The following ARMC1 variants were observed in gnomAD, a reference collection of about 807,000 sequenced individuals.
ARMC1 encodes armadillo repeat containing 1.
A neutral mutation model predicts 31.4 loss-of-function variants in ARMC1; 16 were observed. The observed-to-expected ratio is 0.51, with a 90% CI of 0.34 to 0.77. The LOEUF is 0.77. Ranked by LOEUF, ARMC1 falls within the 30% of genes least tolerant of loss-of-function variation. The probability of loss-of-function intolerance (pLI) is 0.01; values close to 1 mark genes in which losing one functional copy is unlikely to be tolerated. For synonymous variants in ARMC1, 114 were observed against 118.9 expected, an observed-to-expected ratio of 0.96 and a Z score of 0.27; for missense variants, 259 against 347.5, an observed-to-expected ratio of 0.75 and a Z score of 2.02.
intron 3 of ARMC1, among the ~76,000 whole-genome samples, chr8:65,615,647 C>T (rs1250649437): frequency 6.6e-6 from 1 of 152,084 alleles, no homozygotes; most frequent in Non-Finnish European, 1.5e-5. Context: ...ATGGAGGTTG[C>T]AGCGAGCCAA....
In ARMC1 at chr8:65,604,239, A is replaced by C; in HGVS notation, c.*155T>G. ...TGTCCTTTTTACCACTCAGTGGGGTAAAATGTCCAATAAAACGTGAAATGC... is the reference window on the plus strand; with the variant it reads ...TGTCCTTTTTACCACTCAGTGGGGTCAAATGTCCAATAAAACGTGAAATGC... On this transcript the variant is annotated 3_prime_UTR_variant, in exon 7 of 7. Transcript: ENST00000276569. 1.5e-6 allele frequency: 1 copy of C among 651,266 alleles called. No individual in the cohort carries two copies. The highest frequency in any genetic ancestry group is 2.6e-6 in the Non-Finnish European group (1 of 391,974). 40.3% of individuals were successfully genotyped at this position (651,266 alleles called of 1,614,324 possible). A position where few individuals can be genotyped will look rare whatever the true frequency, so the allele number is the denominator to read the frequency against.
At chr8:65,623,609 A>G (rs956244161) in intron 2 of ARMC1, among the ~76,000 whole-genome samples, 3 of 152,024 alleles carry the variant, frequency 2.0e-5, no homozygotes, top group African/African-American at 7.2e-5. Flanking sequence ...CTGCATCTCA[A>G]AAACAAAACA....
intron 6 of ARMC1, among the ~76,000 whole-genome samples, chr8:65,604,976 ACACCTTTAT>A (rs1182594597): frequency 6.6e-6 from 1 of 152,232 alleles, no homozygotes; most frequent in African/African-American, 2.4e-5. Flanking sequence ...CCCAGTGGTT[ACACCTTTAT>A]TTTTTGGATT....
chr8:65,620,474 A>C (rs1808370562), intron 3 of ARMC1, among the ~76,000 whole-genome samples: 1 of 151,076 alleles, frequency 6.6e-6, no homozygotes, highest in African/African-American at 2.4e-5. Context: ...GCTAATTTTT[A>C]TATTTTTGGT....
intron 3 of ARMC1, 32 bp from the exon 4 acceptor site, chr8:65,613,465 G>T (rs1808187234): frequency 2.8e-6 from 4 of 1,435,938 alleles, no homozygotes; most frequent in African/African-American, 1.4e-5. Flanking sequence ...AATTAGTCTT[G>T]TCACTTCTAC....
In ARMC1 at chr8:65,605,498, T is replaced by TTAATTTTTAAC; in HGVS notation, c.495_505dup (p.Lys169SerfsTer2). Reference sequence around the variant, plus strand: ...TTGAAAAGTAAAGCTAATAACACCTTTAATTTTTAACAAAGCCTCTTCACA... The same window carrying TTAATTTTTAAC: ...TTGAAAAGTAAAGCTAATAACACCTTTAATTTTTAACTAATTTTTAACAAAGCCTCTTCACA... On this transcript the variant is annotated stop_gained and frameshift_variant, in exon 5 of 7. Coordinates refer to ENST00000276569, the MANE Select transcript of ARMC1 (RefSeq NM_018120.6). LOFTEE classifies it high-confidence loss of function. 6.2e-7 allele frequency: 1 copy of TTAATTTTTAAC among 1,614,042 alleles called. No individual in the cohort carries two copies. Among genetic ancestry groups the TTAATTTTTAAC allele is most frequent in the Non-Finnish European group, 8.5e-7 (1 of 1,179,932 alleles).
At chr8:65,611,889 T>C (rs540592690) in intron 4 of ARMC1, among the ~76,000 whole-genome samples, 1 of 151,924 alleles carries the variant, frequency 6.6e-6, no homozygotes, top group Non-Finnish European at 1.5e-5. Context: ...TTCTCCTGCC[T>C]CAGCCTCCCG....
intron 1 of ARMC1, chr8:65,633,033 G>T (rs1428861611): frequency 6.6e-6 from 1 of 152,230 alleles, no homozygotes; most frequent in African/African-American, 2.4e-5. Context: ...GTAGGTGGGA[G>T]AGTCTGAGAT....
chr8:65,624,165 A>C (rs1254386234), intron 2 of ARMC1, among the ~76,000 whole-genome samples: 1 of 152,140 alleles, frequency 6.6e-6, no homozygotes, highest in Non-Finnish European at 1.5e-5. Context: ...ATATTGGGGA[A>C]TAAAGAACAC....
At chr8:65,611,776 T>C (rs982552836) in intron 4 of ARMC1, among the ~76,000 whole-genome samples, 2 of 152,104 alleles carry the variant, frequency 1.3e-5, no homozygotes, top group African/African-American at 4.8e-5. Flanking sequence ...TTCACTTTTT[T>C]TTTCTTTTTT....
intron 2 of ARMC1, 48 bp downstream of exon 2, chr8:65,627,168 T>G (rs1160095293): frequency 6.7e-7 from 1 of 1,500,522 alleles, no homozygotes; most frequent in Non-Finnish European, 8.9e-7. Flanking sequence ...AATTCTCACC[T>G]TAACTGCAAA....
chr8:65,612,944 T>C (rs1455366200), intron 4 of ARMC1, among the ~76,000 whole-genome samples: 1 of 152,192 alleles, frequency 6.6e-6, no homozygotes, highest in Non-Finnish European at 1.5e-5. Context: ...TTCTATATCC[T>C]TACTGATTTT....
chr8:65,611,770 CT>C (rs1029931903), intron 4 of ARMC1, among the ~76,000 whole-genome samples: 10 of 150,882 alleles, frequency 6.6e-5, no homozygotes, highest in African/African-American at 2.2e-4. Flanking sequence ...TACACTTTCA[CT>C]TTTTTTTTCT....
At chr8:65,617,730 G>A (rs771079077) in intron 3 of ARMC1, among the ~76,000 whole-genome samples, 1 of 151,850 alleles carries the variant, frequency 6.6e-6, no homozygotes, top group East Asian at 1.9e-4. Context: ...TGGGTACTAC[G>A]CTCACTCTCC....
At chr8:65,631,592 G>A (rs1318266970) in intron 1 of ARMC1, among the ~76,000 whole-genome samples, 6 of 152,170 alleles carry the variant, frequency 3.9e-5, no homozygotes, top group Admixed American at 3.3e-4. Context: ...TCACAAAGCA[G>A]ATTTTATGAG....
chr8:65,615,118 G>T (rs554159999), intron 3 of ARMC1, among the ~76,000 whole-genome samples: 1 of 151,946 alleles, frequency 6.6e-6, no homozygotes, highest in African/African-American at 2.4e-5. Context: ...TAATTCCAGG[G>T]GTGATAATCT....
chr8:65,619,857 G>A (rs1808355929), intron 3 of ARMC1, among the ~76,000 whole-genome samples: 1 of 151,830 alleles, frequency 6.6e-6, no homozygotes, highest in East Asian at 1.9e-4. Flanking sequence ...GGTGGTGCGT[G>A]CCTGTAATCC....
chr8:65,632,109 G>A, intron 1 of ARMC1, among the ~76,000 whole-genome samples: 1 of 152,132 alleles, frequency 6.6e-6, no homozygotes, highest in East Asian at 1.9e-4. Flanking sequence ...TTTTAAACAT[G>A]GCTATGAACA....
intron 4 of ARMC1, among the ~76,000 whole-genome samples, chr8:65,606,929 C>T (rs1808016957): frequency 6.6e-6 from 1 of 152,218 alleles, no homozygotes; most frequent in African/African-American, 2.4e-5. Flanking sequence ...GCTCCCTCCA[C>T]CTCTGGCCCA....
Sources: allele counts gnomAD v4.1 joint callset (sites outside exome capture counted in the v4.1 genomes callset), GRCh38; gene constraint gnomAD v4.1.1; transcripts MANE v1.5; gene names NCBI Gene and HGNC (gene_info 2026-07-23, HGNC 2026-07-21).